Variants in SPDYE1 observed in about 807,000 individuals in gnomAD.
SPDYE1 encodes speedy protein E1.
In SPDYE1, 29 loss-of-function variants were observed where a neutral mutation model predicts 45.9. The observed-to-expected ratio is 0.63, with a 90% CI of 0.47 to 0.86. SPDYE1 has a LOEUF of 0.86. SPDYE1 is among the 40% of genes least tolerant of loss of function. SPDYE1 has a pLI of 0.00. For synonymous variants in SPDYE1, 134 were observed against 176.8 expected (o/e 0.76, Z 1.92); for missense variants, 346 against 481.4 (o/e 0.72, Z 2.63).
chr7:44,002,585 C>T lies in SPDYE1; in HGVS notation c.380-5C>T, dbSNP rs777747183. The T allele has an allele frequency of 6.3e-6, 10 of 1,576,864 alleles. No individual in the cohort carries two copies. Among genetic ancestry groups the T allele is most frequent in the Non-Finnish European group, 8.5e-6 (10 of 1,170,376 alleles). ...ATTACACCGTGGCCTGGTTTCTTTACTCAGCCCCTGGGGTAGATCCCAGCC... is the reference window on the plus strand; with the variant it reads ...ATTACACCGTGGCCTGGTTTCTTTATTCAGCCCCTGGGGTAGATCCCAGCC... On this transcript the variant is annotated splice_region_variant and splice_polypyrimidine_tract_variant and intron_variant, in intron 3 of 8. Transcript: ENST00000693451.
intron 3 of SPDYE1, among the ~76,000 whole-genome samples, chr7:44,002,371 A>T (rs960020381): frequency 1.5e-5 from 2 of 133,318 alleles, no homozygotes; most frequent in Admixed American, 7.9e-5. Context: ...CCAGGGAAGG[A>T]TATGAGGAAG....
Position 43,999,567 on chromosome 7 carries a change from C to A in SPDYE1, c.-383C>A, listed in dbSNP as rs1384175825. On this transcript the variant is annotated 5_prime_UTR_variant, in exon 2 of 9. Coordinates refer to ENST00000693451, the MANE Select transcript of SPDYE1 (RefSeq NM_001378423.2). ...TGGGCACGTACAGAGACGAAGAGAC[C>A]CCAACATGCTTCAGGCTTTGAGTGG... Among the ~76,000 whole-genome samples, 1 of 151,898 alleles carries A rather than the reference C, an allele frequency of 6.6e-6. No individual in the cohort carries two copies. Among genetic ancestry groups the A allele is most frequent in the Non-Finnish European group, 1.5e-5 (1 of 68,016 alleles).
chr7:44,000,728 G>A (rs2096061695), intron 2 of SPDYE1, among the ~76,000 whole-genome samples: 1 of 150,510 alleles, frequency 6.6e-6, no homozygotes, highest in Non-Finnish European at 1.5e-5. Flanking sequence ...GGAGATGGAT[G>A]TTGCAGTGAG....
In SPDYE1 at chr7:43,999,534, C is replaced by CTCTG. The variant is rs1183379181; in HGVS notation, c.-415_-412dup. 1.3e-5 allele frequency among the ~76,000 whole-genome samples: 2 copies of CTCTG among 152,170 alleles called. No individual in the cohort carries two copies. Among genetic ancestry groups the CTCTG allele is most frequent in the Non-Finnish European group, 2.9e-5 (2 of 68,042 alleles). ...CTGTTCCCTCTCCCACCAGACTGGA[C>CTCTG]TCTGAAATGGGCACGTACAGAGACG... is the stretch of plus-strand genomic sequence containing the variant. On this transcript the variant is annotated 5_prime_UTR_variant, in exon 2 of 9. It removes the in-frame stop codon of an upstream open reading frame in the 5' UTR. Coordinates refer to ENST00000693451, the MANE Select transcript of SPDYE1 (RefSeq NM_001378423.2).
intron 2 of SPDYE1, 110 bp downstream of exon 2, chr7:44,000,219 G>A (rs4724271): frequency 0.13 from 128,254 of 981,462 alleles, 8,973 homozygotes; most frequent in African/African-American, 0.25. Context: ...AGGCCGAGGC[G>A]GGCGGATCAT....
At chr7:44,000,889 T>C (rs1039578932) in intron 2 of SPDYE1, 177 bp from the exon 3 acceptor site, 2 of 1,445,196 alleles carry the variant, frequency 1.4e-6, no homozygotes. Flanking sequence ...GAGAGAAGAA[T>C]GGGGAGGGGA....
At position 44,007,400 on chromosome 7, in the gene SPDYE1, C is replaced by T; in HGVS notation, c.885C>T (p.Asn295=). 10 of 1,612,012 alleles carry T rather than the reference C, an allele frequency of 6.2e-6. No homozygotes were observed. The highest frequency in any genetic ancestry group is 8.5e-6 in the Non-Finnish European group (10 of 1,179,138). The change falls in exon 7 of 9, where the codon AAC becomes AAT. Residue 295 remains asparagine, a synonymous_variant. Transcript: ENST00000693451. ...GGTTCCAGTTATACCGTTCCATGAA[C>T]CCGAGGGCCAGGAAGAACCGCTCTC... ...KRRFQLYRSM[N]PRARKNRSHI... is the part of the protein sequence containing the mutation.
intron 4 of SPDYE1, 44 bp downstream of exon 4, chr7:44,002,861 A>T: frequency 2.4e-6 from 3 of 1,228,698 alleles, no homozygotes; most frequent in Non-Finnish European, 3.3e-6. Context: ...TGTTCTTTCC[A>T]AAAACAGGAA....
At position 43,999,562 on chromosome 7, in the gene SPDYE1, G is replaced by C. The variant is rs550803374; in HGVS notation, c.-388G>C. Among the ~76,000 whole-genome samples, 3 of 152,150 alleles carry C rather than the reference G, an allele frequency of 2.0e-5. No individual in the cohort carries two copies. Among genetic ancestry groups the C allele is most frequent in the Non-Finnish European group, 4.4e-5 (3 of 68,018 alleles). On this transcript the variant is annotated 5_prime_UTR_variant, in exon 2 of 9. Coordinates refer to ENST00000693451, the MANE Select transcript of SPDYE1 (RefSeq NM_001378423.2). ...TGAAATGGGCACGTACAGAGACGAA[G>C]AGACCCCAACATGCTTCAGGCTTTG... is the stretch of plus-strand genomic sequence containing the variant.
At chr7:44,007,191 C>G in intron 6 of SPDYE1, 77 bp from the exon 7 acceptor site, 1 of 1,611,542 alleles carries the variant, frequency 6.2e-7, no homozygotes, top group Non-Finnish European at 8.5e-7. Context: ...CCCTTACCTT[C>G]CTCTCTGGGA....
At chr7:44,001,977 G>C (rs1038605004) in intron 3 of SPDYE1, among the ~76,000 whole-genome samples, 3 of 151,008 alleles carry the variant, frequency 2.0e-5, no homozygotes, top group African/African-American at 7.3e-5. Context: ...GGGCCCAGAA[G>C]TCAGGAAGGA....
rs555024129 is a variant in SPDYE1 at position 44,001,121 on chromosome 7, G to A, written c.216G>A (p.Arg72=). 1.3e-6 allele frequency: 2 copies of A among 1,598,244 alleles called. No homozygotes were observed. The highest frequency in any genetic ancestry group is 1.1e-5 in the South Asian group (1 of 91,002). ...GGTCCCTTGGCTGGAAAAGGAAGAGGGAGTGGTCAGATGAATCTGAGGAGG... is the reference window on the plus strand; with the variant it reads ...GGTCCCTTGGCTGGAAAAGGAAGAGAGAGTGGTCAGATGAATCTGAGGAGG... The part of the protein sequence containing the change: ...PCRSLGWKRK[R]EWSDESEEEP... Residue 72 remains arginine, a synonymous_variant, in exon 3 of 9, where the codon AGG becomes AGA. Coordinates refer to ENST00000693451, the MANE Select transcript of SPDYE1 (RefSeq NM_001378423.2).
At chr7:44,001,697 C>G (rs1454673007) in intron 3 of SPDYE1, among the ~76,000 whole-genome samples, 1 of 152,084 alleles carries the variant, frequency 6.6e-6, no homozygotes, top group African/African-American at 2.4e-5. Flanking sequence ...TGCCTGTAAT[C>G]CCATTACTTT....
At chr7:43,998,882 G>A (rs1264534194) in intron 1 of SPDYE1, among the ~76,000 whole-genome samples, 3 of 140,082 alleles carry the variant, frequency 2.1e-5, no homozygotes, top group African/African-American at 5.5e-5. Flanking sequence ...CTCTTGCTAT[G>A]TTGCCTATAC....
rs148713950 is a variant in SPDYE1, at chr7:44,002,696, C to T, written c.486C>T (p.Leu162=). The T allele has an allele frequency of 2.5e-6, 4 of 1,596,918 alleles. No homozygotes were observed. The highest frequency in any genetic ancestry group is 2.5e-6 in the Non-Finnish European group (3 of 1,179,798). Residue 162 remains leucine (L), a synonymous_variant, in exon 4 of 9, where the codon CTC becomes CTT. Transcript: ENST00000693451. ...CGGAGGAGGAGCCACGGAAGGTGCT[C>T]GCCCCTGAGCCTGAGGAGATCTGGG... ...EESEEEPRKV[L]APEPEEIWVA...
chr7:44,004,172 T>TTA, intron 5 of SPDYE1: 2 of 582,810 alleles, frequency 3.4e-6, no homozygotes, highest in Non-Finnish European at 6.1e-6. Context: ...GCAGCTGGGA[T>TTA]TACAGACATG....
At chr7:44,001,409 C>T (rs2096062864) in intron 3 of SPDYE1, 125 bp downstream of exon 3, 1 of 1,529,092 alleles carries the variant, frequency 6.5e-7, no homozygotes, top group Admixed American at 2.0e-5. Context: ...CGCAGGAGGA[C>T]TCAGAAGTGA....
rs1199557145 is a variant in SPDYE1, at chr7:44,007,602, G to C, written c.1071+16G>C. The C allele has an allele frequency of 6.2e-7, 1 of 1,612,590 alleles. No homozygotes were observed. On this transcript the variant is annotated intron_variant, in intron 7 of 8. Coordinates refer to ENST00000693451, the MANE Select transcript of SPDYE1 (RefSeq NM_001378423.2). ...GTTGGAGGAGGTGAGTGGGGCCTGG[G>C]GAGGTGGAGGAGGTGGGGAGGAATT...
At chr7:44,005,904 A>G (rs1486792361) in intron 6 of SPDYE1, among the ~76,000 whole-genome samples, 1 of 152,008 alleles carries the variant, frequency 6.6e-6, no homozygotes, top group East Asian at 1.9e-4. Flanking sequence ...GACAGAGGCC[A>G]CAGTTCAGGT....
Sources: allele counts gnomAD v4.1 joint callset (sites outside exome capture counted in the v4.1 genomes callset), GRCh38; gene constraint gnomAD v4.1.1; transcripts MANE v1.5; gene names NCBI Gene and HGNC (gene_info 2026-07-23, HGNC 2026-07-21).